EYA4: variants seen among roughly 807,000 people sequenced by gnomAD.
EYA4 encodes EYA transcriptional coactivator and phosphatase 4.
In EYA4, 31 loss-of-function variants were observed where a neutral mutation model predicts 87.9. The ratio of observed to expected loss-of-function variants is 0.35; its 90% CI spans 0.27 to 0.48. The LOEUF (loss-of-function observed/expected upper bound fraction) is 0.48, where lower values mean the gene tolerates loss of function less well. Among genes scored for constraint, EYA4 ranks in the 20% least tolerant of loss-of-function variants. EYA4 has a pLI of 0.99. For synonymous variants in EYA4, 263 were observed against 270.6 expected (o/e 0.97, Z 0.28); for missense variants, 678 against 761.4 (o/e 0.89, Z 1.29).
intron 2 of EYA4, among the ~76,000 whole-genome samples, chr6:133,291,448 T>C (rs1250111480): frequency 6.6e-6 from 1 of 152,202 alleles, no homozygotes; most frequent in Non-Finnish European, 1.5e-5. Flanking sequence ...ATAATCAGTG[T>C]TTTTTAAATA....
chr6:133,360,157 G>T (rs1272074360), intron 2 of EYA4: 2 of 152,068 alleles, frequency 1.3e-5, no homozygotes, highest in East Asian at 3.9e-4. Context: ...AGAGAAAATG[G>T]TTTCTTCTAC....
At chr6:133,518,082 C>T (rs553025641) in intron 17 of EYA4, among the ~76,000 whole-genome samples, 2 of 152,218 alleles carry the variant, frequency 1.3e-5, no homozygotes, top group African/African-American at 4.8e-5. Context: ...GTCAGGGACG[C>T]TGGAGCACGA....
rs375059355 is a variant in EYA4, at chr6:133,468,312, A to G, written c.805-254A>G. 2.4e-3 allele frequency among the ~76,000 whole-genome samples: 369 copies of G among 152,202 alleles called. 1 individual carries two copies. Among genetic ancestry groups the G allele is most frequent in the African/African-American group, 8.3e-3 (345 of 41,554 alleles). On this transcript the variant is annotated intron_variant, in intron 10 of 19. Transcript: ENST00000355286. Reference sequence around the variant, plus strand: ...AACTATCAGGAGCAAAGTGAAGCATATGCTAACTTTAATCACATTAAAATT... The same window carrying G: ...AACTATCAGGAGCAAAGTGAAGCATGTGCTAACTTTAATCACATTAAAATT...
chr6:133,463,422 T>C (rs1794579851), intron 9 of EYA4, among the ~76,000 whole-genome samples: 1 of 149,608 alleles, frequency 6.7e-6, no homozygotes, highest in South Asian at 2.1e-4. Context: ...TGCAATGGCA[T>C]GATCTTGGCT....
intron 2 of EYA4, chr6:133,360,459 A>G (rs949401152): frequency 1.3e-5 from 2 of 152,250 alleles, no homozygotes; most frequent in African/African-American, 4.8e-5. Context: ...AGAGAATGAC[A>G]TCTGAGTACC....
chr6:133,306,969 A>C (rs983157695), intron 2 of EYA4, among the ~76,000 whole-genome samples: 55 of 152,258 alleles, frequency 3.6e-4, no homozygotes, highest in Non-Finnish European at 3.2e-4. Flanking sequence ...TTTATTGCAC[A>C]CACAGTAAGT....
intron 5 of EYA4, among the ~76,000 whole-genome samples, chr6:133,455,002 C>T (rs573321223): frequency 2.0e-5 from 3 of 152,034 alleles, no homozygotes; most frequent in South Asian, 2.1e-4. Context: ...TTTCAGCCCC[C>T]CTGAACTTCA....
At chr6:133,271,412 A>T (rs1204353571) in intron 1 of EYA4, among the ~76,000 whole-genome samples, 1 of 152,172 alleles carries the variant, frequency 6.6e-6, no homozygotes, top group African/African-American at 2.4e-5. Flanking sequence ...TGCTGTGTGG[A>T]ATACCAAGAC....
intron 3 of EYA4, among the ~76,000 whole-genome samples, chr6:133,411,251 T>C (rs1438544629): frequency 3.3e-5 from 5 of 152,178 alleles, no homozygotes; most frequent in African/African-American, 9.7e-5. Flanking sequence ...AAGGTTATGA[T>C]GAGCAAGAGA....
At chr6:133,342,050 C>T (rs1782822646) in intron 2 of EYA4, among the ~76,000 whole-genome samples, 1 of 152,036 alleles carries the variant, frequency 6.6e-6, no homozygotes, top group Admixed American at 6.6e-5. Context: ...AAGAGGCTGA[C>T]TGACATGAAA....
At chr6:133,265,031 G>A (rs547456556) in intron 1 of EYA4, among the ~76,000 whole-genome samples, 5 of 152,126 alleles carry the variant, frequency 3.3e-5, no homozygotes, top group Admixed American at 6.5e-5. Context: ...CCTGGACGGC[G>A]CCATGGTGCC....
At chr6:133,424,038 C>T (rs1790439949) in intron 3 of EYA4, among the ~76,000 whole-genome samples, 1 of 152,204 alleles carries the variant, frequency 6.6e-6, no homozygotes, top group Non-Finnish European at 1.5e-5. Flanking sequence ...CAGTTCTCAG[C>T]AGAGAGGAGG....
At chr6:133,461,441 A>T (rs1171585368) in intron 7 of EYA4, among the ~76,000 whole-genome samples, 1 of 152,166 alleles carries the variant, frequency 6.6e-6, no homozygotes, top group Non-Finnish European at 1.5e-5. Context: ...ATCTAAAGAG[A>T]TTACATTTTA....
At chr6:133,268,180 G>A (rs937602194) in intron 1 of EYA4, among the ~76,000 whole-genome samples, 2 of 151,998 alleles carry the variant, frequency 1.3e-5, no homozygotes, top group African/African-American at 4.8e-5. Context: ...ATCATTTAGT[G>A]GGCATTTAAA....
chr6:133,393,424 A>G (rs1787477932), intron 3 of EYA4, among the ~76,000 whole-genome samples: 1 of 152,202 alleles, frequency 6.6e-6, no homozygotes, highest in Non-Finnish European at 1.5e-5. Context: ...AATTAAATAA[A>G]ATAGGGAGGA....
intron 9 of EYA4, 150 bp downstream of exon 9, chr6:133,462,914 C>T: frequency 1.3e-6 from 1 of 777,076 alleles, no homozygotes; most frequent in South Asian, 1.6e-5. Flanking sequence ...TAGACAGAAA[C>T]ACGATGAAAT....
At chr6:133,495,379 A>AAG (rs1346876786) in intron 13 of EYA4, among the ~76,000 whole-genome samples, 2 of 148,272 alleles carry the variant, frequency 1.3e-5, no homozygotes, top group Non-Finnish European at 3.0e-5. Context: ...AATAAATATA[A>AAG]ATATATTCAT....
At chr6:133,322,489 G>A (rs2128359287) in intron 2 of EYA4, among the ~76,000 whole-genome samples, 1 of 152,258 alleles carries the variant, frequency 6.6e-6, no homozygotes, top group South Asian at 2.1e-4. Flanking sequence ...CATGGAGTAT[G>A]GAGCTGAGAA....
Position 133,349,766 on chromosome 6 carries a change from A to C in EYA4, c.34-32626A>C, listed in dbSNP as rs760188874. On this transcript the variant is annotated intron_variant, in intron 2 of 19. Transcript: ENST00000355286. ...TAGGCAAACAGTGCCTTGCCATTTG[A>C]CTTAGAAGAAGCAGCTGCAAATCCA... 3.2e-4 allele frequency among the ~76,000 whole-genome samples: 49 copies of C among 152,114 alleles called. 1 individual carries two copies. The highest frequency in any genetic ancestry group is 1.0e-4 in the Non-Finnish European group (7 of 68,042).
Sources: allele counts gnomAD v4.1 joint callset (sites outside exome capture counted in the v4.1 genomes callset), GRCh38; gene constraint gnomAD v4.1.1; transcripts MANE v1.5; gene names NCBI Gene and HGNC (gene_info 2026-07-23, HGNC 2026-07-21).